Variants in TOX2 observed in about 807,000 individuals in gnomAD.
TOX2 encodes TOX high mobility group box family member 2.
Under a neutral mutation model 47.4 loss-of-function variants are expected in TOX2, and 15 were observed. The ratio of observed to expected loss-of-function variants is 0.32; its 90% CI spans 0.21 to 0.49. TOX2 has a LOEUF of 0.49. TOX2 is among the 20% of genes least tolerant of loss of function. The pLI is 0.99. For synonymous variants in TOX2, 290 were observed against 296.6 expected, an observed-to-expected ratio of 0.98 and a Z score of 0.23; for missense variants, 622 against 673.1, an observed-to-expected ratio of 0.92 and a Z score of 0.84.
chr20:44,039,029 G>A, intron 3 of TOX2: 1 of 1,231,778 alleles, frequency 8.1e-7, no homozygotes, highest in South Asian at 1.4e-5. Context: ...GCAGGAGGCT[G>A]GCTTCACTTG....
At chr20:44,036,508 A>T (rs1260582464) in intron 3 of TOX2, among the ~76,000 whole-genome samples, 1 of 152,250 alleles carries the variant, frequency 6.6e-6, no homozygotes, top group Non-Finnish European at 1.5e-5. Flanking sequence ...AGTAAGAAGT[A>T]ACTGGTCAAC....
intron 3 of TOX2, among the ~76,000 whole-genome samples, chr20:44,040,032 C>T (rs1414793643): frequency 2.0e-5 from 3 of 152,118 alleles, no homozygotes; most frequent in African/African-American, 7.2e-5. Flanking sequence ...GTTGGGGCAG[C>T]GGGGTGTGGG....
chr20:43,973,381 T>C lies in TOX2; in HGVS notation c.114T>C (p.Ser38=), dbSNP rs1240744501. The change falls in exon 2 of 9, where the codon AGT becomes AGC. Residue 38 remains serine (S), a synonymous_variant. Coordinates refer to ENST00000341197, the MANE Select transcript of TOX2 (RefSeq NM_001098797.2). ...YYHGGKFDGD[S]AYVGMSDGNP... ...CTCTATTCTAGTTTGATGGTGACAG[T>C]GCCTACGTGGGGATGAGTGACGGAA... The C allele has an allele frequency of 6.2e-7, 1 of 1,614,144 alleles. No individual in the cohort carries two copies. Among genetic ancestry groups the C allele is most frequent in the Admixed American group, 1.7e-5 (1 of 60,026 alleles).
chr20:43,993,256 G>A (rs1436674671), intron 2 of TOX2, among the ~76,000 whole-genome samples: 1 of 152,160 alleles, frequency 6.6e-6, no homozygotes, highest in East Asian at 1.9e-4. Context: ...TTTGTGTGTG[G>A]AACCTCTACC....
intron 1 of TOX2, among the ~76,000 whole-genome samples, chr20:43,962,909 C>T (rs1014703704): frequency 2.0e-5 from 3 of 152,174 alleles, no homozygotes; most frequent in African/African-American, 7.2e-5. Context: ...CTTTAGTTAA[C>T]CCAGTATATC....
At chr20:44,013,993 A>G (rs8125065) in intron 3 of TOX2, among the ~76,000 whole-genome samples, 1,811 of 152,098 alleles carry the variant, frequency 0.012, 35 homozygotes, top group African/African-American at 0.041. Flanking sequence ...AGCTGGGCAT[A>G]GTGGCTTGCG....
intron 5 of TOX2, 140 bp from the exon 6 acceptor site, chr20:44,064,637 T>C (rs2071777269): frequency 2.7e-6 from 2 of 750,766 alleles, no homozygotes; most frequent in East Asian, 2.5e-5. Flanking sequence ...AAGGGGCCAG[T>C]GGCTGGCTGA....
intron 3 of TOX2, among the ~76,000 whole-genome samples, chr20:44,030,904 C>A (rs1282489984): frequency 6.6e-6 from 1 of 152,172 alleles, no homozygotes; most frequent in Non-Finnish European, 1.5e-5. Context: ...CATTACATTC[C>A]TAATGTATAT....
intron 2 of TOX2, among the ~76,000 whole-genome samples, chr20:43,992,941 A>G (rs2070396184): frequency 6.6e-6 from 1 of 151,928 alleles, no homozygotes; most frequent in Admixed American, 6.6e-5. Flanking sequence ...GAATGTTGAC[A>G]TGTCCAAAAC....
chr20:44,056,151 C>A (rs1325115480), intron 5 of TOX2, among the ~76,000 whole-genome samples: 1 of 152,184 alleles, frequency 6.6e-6, no homozygotes, highest in Non-Finnish European at 1.5e-5. Context: ...CTGGGGTGGA[C>A]ACCAGCATTC....
At chr20:43,946,920 G>A (rs184249529) in intron 1 of TOX2, among the ~76,000 whole-genome samples, 40 of 152,276 alleles carry the variant, frequency 2.6e-4, no homozygotes, top group African/African-American at 9.4e-4. Context: ...GTTGAAATCT[G>A]GCTTCGTGCA....
intron 5 of TOX2, among the ~76,000 whole-genome samples, chr20:44,064,458 G>A (rs1479662145): frequency 6.6e-6 from 1 of 152,258 alleles, no homozygotes; most frequent in Non-Finnish European, 1.5e-5. Flanking sequence ...TCTGCACTGT[G>A]CTGGCTCAGA....
At chr20:43,984,076 T>C (rs373574813) in intron 2 of TOX2, among the ~76,000 whole-genome samples, 1 of 152,208 alleles carries the variant, frequency 6.6e-6, no homozygotes, top group African/African-American at 2.4e-5. Flanking sequence ...CATATTAAAA[T>C]GAAATTGTGT....
At position 43,914,940 on chromosome 20, in the gene TOX2, G is replaced by A; in HGVS notation, c.49G>A (p.Gly17Arg). 2 of 1,234,050 alleles carry A rather than the reference G, an allele frequency of 1.6e-6. No homozygotes were observed. The highest frequency in any genetic ancestry group is 1.0e-6 in the Non-Finnish European group (1 of 986,770). The allele number at this position is 1,234,050 out of a possible 1,614,324, so 76.4% of individuals were successfully genotyped here. ...PSAPAVGARPGAEPAGLAHLD... is the reference protein window; with the variant it reads ...PSAPAVGARPRAEPAGLAHLD... ...GGCGCCCGCGGTGGGCGCGCGGCCCGGGGCCGAGCCGGCCGGCCTGGCGCA... is the reference window on the plus strand; with the variant it reads ...GGCGCCCGCGGTGGGCGCGCGGCCCAGGGCCGAGCCGGCCGGCCTGGCGCA... Residue 17 changes from glycine (G) to arginine (R), a missense_variant, in exon 1 of 9, where the codon GGG becomes AGG. Coordinates refer to ENST00000341197, the MANE Select transcript of TOX2 (RefSeq NM_001098797.2). This position sits in a 1 kb window ranked among gnomAD's most constrained non-coding sequence, Gnocchi z 4.5.
chr20:43,948,072 G>A (rs963632738), intron 1 of TOX2, among the ~76,000 whole-genome samples: 1 of 152,218 alleles, frequency 6.6e-6, no homozygotes, highest in African/African-American at 2.4e-5. Flanking sequence ...ATTGTTAGGA[G>A]GACTAAGTGG....
intron 3 of TOX2, among the ~76,000 whole-genome samples, chr20:44,042,750 G>A (rs1018667270): frequency 6.6e-5 from 10 of 152,156 alleles, no homozygotes; most frequent in Admixed American, 5.9e-4. Flanking sequence ...TTGGGGGATC[G>A]GATTTTATTC....
Position 43,990,492 on chromosome 20 carries a change from G to T in TOX2, c.166-16055G>T, listed in dbSNP as rs533835351. 3.3e-5 allele frequency among the ~76,000 whole-genome samples: 5 copies of T among 152,340 alleles called. No individual in the cohort carries two copies. The East Asian group carries it at 9.6e-4, about 29-fold the overall frequency. Reference sequence around the variant, plus strand: ...CAGATCACTGGGCCCCATTTGTGGTGCCACCACCTGGGAAGGCAGTAGGGT... The same window carrying T: ...CAGATCACTGGGCCCCATTTGTGGTTCCACCACCTGGGAAGGCAGTAGGGT... On this transcript the variant is annotated intron_variant, in intron 2 of 8. Transcript: ENST00000341197.
intron 3 of TOX2, among the ~76,000 whole-genome samples, chr20:44,034,829 G>C (rs2071214195): frequency 1.3e-5 from 2 of 152,198 alleles, no homozygotes; most frequent in African/African-American, 2.4e-5. Flanking sequence ...CTAATTCCCA[G>C]ACCCTGTGAA....
chr20:43,933,982 C>T (rs577555689), intron 1 of TOX2, among the ~76,000 whole-genome samples: 2 of 152,054 alleles, frequency 1.3e-5, no homozygotes, highest in African/African-American at 4.8e-5. Context: ...GTGGCCGCCT[C>T]TCCTTTCTGG....
Sources: gnomAD v4.1 joint callset for allele counts (sites outside exome capture counted in the v4.1 genomes callset) on GRCh38, gnomAD v4.1.1 for gene constraint, Gnocchi (gnomAD v3.1) non-coding constraint, MANE v1.5 for transcripts, NCBI Gene and HGNC (gene_info 2026-07-23, HGNC 2026-07-21) for gene names.